Variants in PSMA3 observed in about 807,000 individuals in gnomAD.
PSMA3 encodes the protein proteasome 20S subunit alpha 3.
In PSMA3, 8 loss-of-function variants were observed where a neutral mutation model predicts 40.0. The observed-to-expected ratio is 0.20, with a 90% CI of 0.12 to 0.36. The LOEUF (loss-of-function observed/expected upper bound fraction) is 0.36, where lower values mean the gene tolerates loss of function less well. Among genes scored for constraint, PSMA3 ranks in the 10% least tolerant of loss-of-function variants. The pLI, the probability that PSMA3 is intolerant of heterozygous loss-of-function variation, is 1.00. For missense variants in PSMA3, 219 were observed against 310.6 expected, an observed-to-expected ratio of 0.70 and a Z score of 2.22; for synonymous variants, 110 against 100.0, an observed-to-expected ratio of 1.10 and a Z score of -0.59.
chr14:58,270,619 TTAA>T (rs1890586855), intron 9 of PSMA3, 134 bp downstream of exon 9: 2 of 1,470,900 alleles, frequency 1.4e-6, no homozygotes, highest in Non-Finnish European at 9.1e-7. Context: ...AAAGTTCTGC[TTAA>T]TAATTGACTT....
intron 3 of PSMA3, among the ~76,000 whole-genome samples, chr14:58,252,474 A>C (rs993486043): frequency 3.3e-5 from 5 of 152,158 alleles, no homozygotes; most frequent in Non-Finnish European, 5.9e-5. Context: ...ATGCGTAGAA[A>C]TGAGATCTTG....
At chr14:58,253,814 G>A (rs1476496318) in intron 3 of PSMA3, among the ~76,000 whole-genome samples, 4 of 151,982 alleles carry the variant, frequency 2.6e-5, no homozygotes, top group South Asian at 4.1e-4. Flanking sequence ...GGCTGGTCTC[G>A]GACTCCTGAA....
intron 1 of PSMA3, among the ~76,000 whole-genome samples, chr14:58,246,565 A>G (rs956222784): frequency 6.6e-6 from 1 of 151,938 alleles, no homozygotes; most frequent in Non-Finnish European, 1.5e-5. Flanking sequence ...CGCCCAGCTA[A>G]TTTTTGTATT....
chr14:58,248,810 A>G (rs1889935739), intron 2 of PSMA3, among the ~76,000 whole-genome samples: 1 of 151,822 alleles, frequency 6.6e-6, no homozygotes, highest in Non-Finnish European at 1.5e-5. Flanking sequence ...AACAAAATAC[A>G]AAAATTAGCC....
At chr14:58,263,453 T>G in intron 6 of PSMA3, 1 of 300,718 alleles carries the variant, frequency 3.3e-6, no homozygotes, top group South Asian at 7.1e-5. Flanking sequence ...TGTCTTAAAG[T>G]GTATATGATT....
chr14:58,257,713 G>A (rs772200138), intron 3 of PSMA3, 32 bp from the exon 4 acceptor site: 5 of 1,541,970 alleles, frequency 3.2e-6, no homozygotes, highest in Non-Finnish European at 1.8e-6. Context: ...ATAGGAATGT[G>A]TTCCTCTAGT....
chr14:58,245,993 C>G (rs184248296), intron 1 of PSMA3, among the ~76,000 whole-genome samples: 1 of 152,070 alleles, frequency 6.6e-6, no homozygotes, highest in Admixed American at 6.5e-5. Flanking sequence ...TTAATATTAC[C>G]TTGAATTAAT....
chr14:58,270,888 T>C (rs1033846029), intron 9 of PSMA3, 46 bp from the exon 10 acceptor site: 19 of 1,462,652 alleles, frequency 1.3e-5, no homozygotes, highest in Non-Finnish European at 1.7e-5. Context: ...AGTTACAATA[T>C]GGTACTCAAT....
Position 58,252,216 on chromosome 14 carries a change from T to A in PSMA3, c.202T>A (p.Phe68Ile), listed in dbSNP as rs1890028010. The A allele has an allele frequency of 6.2e-7, 1 of 1,611,666 alleles. No homozygotes were observed. ...LYEEGSNKRLFNVDRHVGMAV... is the reference protein window; with the variant it reads ...LYEEGSNKRLINVDRHVGMAV... The stretch of plus-strand genomic sequence containing the variant: ...TGAAGAAGGTTCCAACAAAAGACTT[T>A]TTAATGTTGATCGGCATGTTGGAAT... The change falls in exon 3 of 11, where the codon TTT becomes ATT. Residue 68 changes from phenylalanine to isoleucine, a missense_variant. Coordinates refer to ENST00000216455, the MANE Select transcript of PSMA3 (RefSeq NM_002788.4).
At chr14:58,261,192 T>TC (rs1555352677) in intron 6 of PSMA3, among the ~76,000 whole-genome samples, 172 bp downstream of exon 6, 1 of 150,476 alleles carries the variant, frequency 6.6e-6, no homozygotes, top group Non-Finnish European at 1.5e-5. Context: ...TTTTTTTTTT[T>TC]CCTTTTTGGG....
chr14:58,256,029 T>G (rs1444785199), intron 3 of PSMA3, among the ~76,000 whole-genome samples: 26 of 152,056 alleles, frequency 1.7e-4, no homozygotes, highest in Non-Finnish European at 1.3e-4. Flanking sequence ...TGACTAATTT[T>G]TGTATTTTTA....
At chr14:58,249,802 A>T (rs902292225) in intron 2 of PSMA3, among the ~76,000 whole-genome samples, 1 of 152,190 alleles carries the variant, frequency 6.6e-6, no homozygotes. Flanking sequence ...CACCGCACCC[A>T]GCCGAAGTCT....
chr14:58,245,028 C>A, intron 1 of PSMA3, 87 bp downstream of exon 1: 1 of 1,581,634 alleles, frequency 6.3e-7, no homozygotes, highest in Non-Finnish European at 8.7e-7. Context: ...GTTCGCGGAC[C>A]CGGGGTGCTC....
At chr14:58,266,762 G>A (rs185832718) in intron 7 of PSMA3, 2 of 152,250 alleles carry the variant, frequency 1.3e-5, no homozygotes, top group African/African-American at 4.8e-5. Flanking sequence ...ATAGTTCCAC[G>A]AAGGATAACT....
intron 5 of PSMA3, 110 bp downstream of exon 5, chr14:58,258,108 G>A (rs1890188835): frequency 6.2e-6 from 5 of 802,224 alleles, no homozygotes; most frequent in East Asian, 2.6e-5. Context: ...TCGTCGATAA[G>A]TATTAGGGCA....
chr14:58,247,432 T>G (rs1594822574), intron 1 of PSMA3, among the ~76,000 whole-genome samples: 1 of 152,364 alleles, frequency 6.6e-6, no homozygotes, highest in East Asian at 1.9e-4. Flanking sequence ...TCGTTACAAA[T>G]TTAAATGTTC....
intron 1 of PSMA3, 195 bp downstream of exon 1, chr14:58,245,136 T>G: frequency 3.1e-6 from 2 of 645,906 alleles, no homozygotes; most frequent in Non-Finnish European, 5.4e-6. Flanking sequence ...TGACCGTGAC[T>G]CCTGAAGCTT....
chr14:58,254,347 T>TGTATGTAC (rs1890096679), intron 3 of PSMA3, among the ~76,000 whole-genome samples: 4 of 131,010 alleles, frequency 3.1e-5, no homozygotes, highest in African/African-American at 1.2e-4. Flanking sequence ...TATATATGTA[T>TGTATGTAC]GTACACACAC....
In PSMA3 at chr14:58,244,878, C is replaced by G; in HGVS notation, c.-43C>G. On this transcript the variant is annotated 5_prime_UTR_variant, in exon 1 of 11. Transcript: ENST00000216455. ...GGCATCCTGTGGTATAGGGGAAGCG[C>G]TCCGGGCCTGGAATCCCTACGCGTC... 1 of 1,614,188 alleles carries G rather than the reference C, an allele frequency of 6.2e-7. No individual in the cohort carries two copies. The highest frequency in any genetic ancestry group is 8.5e-7 in the Non-Finnish European group (1 of 1,180,016).
Sources: gnomAD v4.1 joint callset for allele counts (sites outside exome capture counted in the v4.1 genomes callset) on GRCh38, gnomAD v4.1.1 for gene constraint, MANE v1.5 for transcripts, NCBI Gene and HGNC (gene_info 2026-07-23, HGNC 2026-07-21) for gene names.